AGPS: variants seen among roughly 807,000 people sequenced by gnomAD.
AGPS encodes the protein alkyldihydroxyacetonephosphate synthase, peroxisomal.
AGPS carries 26 observed loss-of-function variants against 90.7 expected under a neutral mutation model. The observed-to-expected ratio is 0.29, with a 90% CI of 0.21 to 0.40. The LOEUF is 0.40. Ranked by LOEUF, AGPS falls within the 10% of genes least tolerant of loss-of-function variation. The pLI, the probability that AGPS is intolerant of heterozygous loss-of-function variation, is 1.00. For synonymous variants in AGPS, 294 were observed against 285.3 expected (o/e 1.03, Z -0.31); for missense variants, 540 against 816.1 (o/e 0.66, Z 4.12).
At chr2:177,494,395 A>G (rs1559071469) in intron 12 of AGPS, among the ~76,000 whole-genome samples, 2 of 152,230 alleles carry the variant, frequency 1.3e-5, no homozygotes, top group African/African-American at 4.8e-5. Flanking sequence ...TCTATAAGTA[A>G]TGAAATACTT....
chr2:177,416,480 TA>T (rs1331336145), intron 1 of AGPS, among the ~76,000 whole-genome samples: 1 of 152,176 alleles, frequency 6.6e-6, no homozygotes, highest in East Asian at 1.9e-4. Flanking sequence ...TTTTATGCAG[TA>T]AAATCAAGCC....
chr2:177,460,018 A>G (rs1275290289), intron 8 of AGPS, among the ~76,000 whole-genome samples: 2 of 152,240 alleles, frequency 1.3e-5, no homozygotes, highest in African/African-American at 4.8e-5. Flanking sequence ...CTTTGTGGGG[A>G]CATGGATAAA....
At chr2:177,493,071 G>A in intron 11 of AGPS, 77 bp from the exon 12 acceptor site, 1 of 1,299,844 alleles carries the variant, frequency 7.7e-7, no homozygotes, top group Non-Finnish European at 1.1e-6. Context: ...AATATAGAAA[G>A]ATAATATTCA....
At chr2:177,445,339 C>A (rs1457646032) in intron 7 of AGPS, among the ~76,000 whole-genome samples, 1 of 152,132 alleles carries the variant, frequency 6.6e-6, no homozygotes, top group Non-Finnish European at 1.5e-5. Context: ...TTAAGCCAAC[C>A]CCTGCATAAT....
Position 177,489,399 on chromosome 2 carries a change from A to G in AGPS, c.1234-3749A>G, listed in dbSNP as rs1375150617. On this transcript the variant is annotated intron_variant, in intron 11 of 19. Coordinates refer to ENST00000264167, the MANE Select transcript of AGPS (RefSeq NM_003659.4). ...GCGCCTGGCCAAGGAAATATTTTTA[A>G]ATAAAATGATAGGATTGAGAAATAT... 3.9e-5 allele frequency among the ~76,000 whole-genome samples: 6 copies of G among 152,110 alleles called. 1 individual carries two copies. Among genetic ancestry groups the G allele is most frequent in the African/African-American group, 1.5e-4 (6 of 41,376 alleles).
rs369875957 is a variant in AGPS at position 177,405,863 on chromosome 2, TAACTCTC to T, written c.260+12823_260+12829del. Among the ~76,000 whole-genome samples the T allele has an allele frequency of 9.9e-4, 150 of 152,206 alleles. 3 individuals carry two copies. In the East Asian group the frequency reaches 0.023, roughly 24 times the overall value. ...TGGGGGAACTTTAAGTTATTATCTC[TAACTCTC>T]AACTCTCATTTTTACATTTTTAATT... On this transcript the variant is annotated intron_variant, in intron 1 of 19. Transcript: ENST00000264167.
intron 16 of AGPS, among the ~76,000 whole-genome samples, chr2:177,512,008 C>T (rs1261333466): frequency 6.6e-6 from 1 of 152,168 alleles, no homozygotes. Context: ...AGGACTGTAA[C>T]AGCAGATGAT....
At chr2:177,477,060 G>A (rs1687801590) in intron 10 of AGPS, among the ~76,000 whole-genome samples, 1 of 151,876 alleles carries the variant, frequency 6.6e-6, no homozygotes, top group Non-Finnish European at 1.5e-5. Flanking sequence ...TCTGTAGATG[G>A]CAAATAGTTG....
intron 9 of AGPS, among the ~76,000 whole-genome samples, chr2:177,462,971 A>G (rs1358083302): frequency 6.6e-6 from 1 of 152,214 alleles, no homozygotes; most frequent in East Asian, 1.9e-4. Context: ...ATTTTAGTCC[A>G]TTTACTTAGA....
chr2:177,426,152 C>T (rs1247139964), intron 2 of AGPS, among the ~76,000 whole-genome samples: 1 of 152,122 alleles, frequency 6.6e-6, no homozygotes, highest in East Asian at 1.9e-4. Context: ...CTCTTTGTAG[C>T]AATTGTGAAT....
intron 2 of AGPS, among the ~76,000 whole-genome samples, chr2:177,422,147 G>A (rs1466576052): frequency 2.0e-5 from 3 of 152,078 alleles, no homozygotes; most frequent in Non-Finnish European, 4.4e-5. Flanking sequence ...TGAGGCTGTA[G>A]GGGTCTGACA....
intron 8 of AGPS, among the ~76,000 whole-genome samples, chr2:177,446,768 G>T (rs543781020): frequency 3.9e-5 from 6 of 152,254 alleles, no homozygotes; most frequent in Admixed American, 1.3e-4. Flanking sequence ...GAACAAAATG[G>T]AACAGTTTGA....
rs990861834 is a variant in AGPS, at chr2:177,539,336, A to C, written c.*1141A>C. On this transcript the variant is annotated 3_prime_UTR_variant, in exon 20 of 20. Coordinates refer to ENST00000264167, the MANE Select transcript of AGPS (RefSeq NM_003659.4). ...TATTAATGCATATACCATAATCAAA[A>C]GTTTGAAATATCCTGTTTCTTAAAT... The C allele has an allele frequency of 1.3e-5, 2 of 152,028 alleles. No homozygotes were observed. Among genetic ancestry groups the C allele is most frequent in the African/African-American group, 4.8e-5 (2 of 41,430 alleles). 9.4% of individuals were successfully genotyped at this position (152,028 alleles called of 1,614,324 possible).
At chr2:177,533,453 T>C (rs2079155704) in intron 19 of AGPS, among the ~76,000 whole-genome samples, 1 of 151,726 alleles carries the variant, frequency 6.6e-6, no homozygotes, top group Non-Finnish European at 1.5e-5. Context: ...GACAACATTG[T>C]GTTGGCTGTC....
chr2:177,507,752 G>A (rs1010120800), intron 15 of AGPS, among the ~76,000 whole-genome samples: 14 of 152,232 alleles, frequency 9.2e-5, no homozygotes, highest in Admixed American at 1.3e-4. Context: ...CTGGTGCCAA[G>A]GATACAGAGA....
chr2:177,431,786 A>G (rs535114314), intron 2 of AGPS, among the ~76,000 whole-genome samples: 3 of 152,190 alleles, frequency 2.0e-5, no homozygotes, highest in African/African-American at 7.2e-5. Flanking sequence ...AATTGCTGTT[A>G]TTCTGTTCGT....
intron 11 of AGPS, among the ~76,000 whole-genome samples, chr2:177,486,270 A>G (rs377688208): frequency 6.6e-6 from 1 of 152,240 alleles, no homozygotes; most frequent in African/African-American, 2.4e-5. Context: ...ATTATAATGC[A>G]CATGTAGAGA....
chr2:177,428,822 C>G (rs1402708740), intron 2 of AGPS, among the ~76,000 whole-genome samples: 2 of 152,064 alleles, frequency 1.3e-5, no homozygotes, highest in African/African-American at 4.8e-5. Context: ...GAGTATCTTA[C>G]TGGGGTTCTC....
intron 8 of AGPS, among the ~76,000 whole-genome samples, chr2:177,449,789 T>C (rs1177846803): frequency 6.6e-6 from 1 of 152,184 alleles, no homozygotes. Flanking sequence ...TTTCATGTGC[T>C]TATTTGCCAT....
Sources: gnomAD v4.1 joint callset for allele counts (sites outside exome capture counted in the v4.1 genomes callset) on GRCh38, gnomAD v4.1.1 for gene constraint, MANE v1.5 for transcripts, NCBI Gene and HGNC (gene_info 2026-07-23, HGNC 2026-07-21) for gene names.